TCFL5: variants seen among roughly 807,000 people sequenced by gnomAD.
TCFL5 encodes the protein transcription factor like 5, also known as transcription factor-like 5 protein.
Under a neutral mutation model 44.3 loss-of-function variants are expected in TCFL5, and 9 were observed. That is an observed-to-expected ratio of 0.20 (90% CI 0.12 to 0.35). The LOEUF is 0.35. Among genes scored for constraint, TCFL5 ranks in the 10% least tolerant of loss-of-function variants. TCFL5 has a pLI of 1.00. For synonymous variants in TCFL5, 319 were observed against 271.6 expected (o/e 1.17, Z -1.72); for missense variants, 603 against 613.4 (o/e 0.98, Z 0.18).
chr20:62,850,608 C>T lies in TCFL5; in HGVS notation c.1380+3408G>A, dbSNP rs1024816647. On this transcript the variant is annotated intron_variant, in intron 5 of 5. Transcript: ENST00000335351. ...TGCAGACTCCTGGTTTCCACTCTCACCCCAGCCCAGCTCCTACTCCCTAGC... is the reference window on the plus strand; with the variant it reads ...TGCAGACTCCTGGTTTCCACTCTCATCCCAGCCCAGCTCCTACTCCCTAGC... Among the ~76,000 whole-genome samples, 16 of 152,312 alleles carry T rather than the reference C, an allele frequency of 1.1e-4. No individual in the cohort carries two copies. The East Asian group carries it at 2.9e-3, about 28-fold the overall frequency.
At position 62,843,067 on chromosome 20, in the gene TCFL5, G is replaced by C. The variant is rs144132325; in HGVS notation, c.1381-970C>G. Among the ~76,000 whole-genome samples, 36 of 152,356 alleles carry C rather than the reference G, an allele frequency of 2.4e-4. 1 individual carries two copies. In the East Asian group the frequency reaches 6.7e-3, roughly 29 times the overall value. ...AAGAGAGGGGCACAGGCGACGGCCC[G>C]ATGACAGGCGCCAACCACCACGGGC... On this transcript the variant is annotated intron_variant, in intron 5 of 5. Coordinates refer to ENST00000335351, the MANE Select transcript of TCFL5 (RefSeq NM_006602.4).
chr20:62,857,686 CAATT>C (rs760814814), intron 3 of TCFL5, 48 bp from the exon 4 acceptor site: 7 of 1,590,896 alleles, frequency 4.4e-6, no homozygotes, highest in Non-Finnish European at 5.1e-6. Flanking sequence ...ATTCTTATCT[CAATT>C]AATGCTGAAT....
At position 62,854,245 on chromosome 20, in the gene TCFL5, ACCAGAG is replaced by A. The variant is rs2063854695; in HGVS notation, c.1239-94_1239-89del. 18 of 1,517,802 alleles carry A rather than the reference ACCAGAG, an allele frequency of 1.2e-5. No individual in the cohort carries two copies. The South Asian group carries it at 2.1e-4, about 18-fold the overall frequency. The allele number at this position is 1,517,802 out of a possible 1,614,324, so 94.0% of individuals were successfully genotyped here. On this transcript the variant is annotated intron_variant, in intron 4 of 5. Transcript: ENST00000335351. Reference sequence around the variant, plus strand: ...AGCGTCTCCTGTAGTACTTGAGGGAACCAGAGCTCGTGCATCCTGGCCACTGAGTGC... The same window carrying A: ...AGCGTCTCCTGTAGTACTTGAGGGAACTCGTGCATCCTGGCCACTGAGTGC...
intron 5 of TCFL5, among the ~76,000 whole-genome samples, chr20:62,844,504 G>A (rs960259155): frequency 2.6e-5 from 4 of 151,952 alleles, no homozygotes; most frequent in South Asian, 2.1e-4. Flanking sequence ...TCAGCCTCCC[G>A]AGTAGCTGGG....
At position 62,844,883 on chromosome 20, in the gene TCFL5, A is replaced by C. The variant is rs190157081; in HGVS notation, c.1381-2786T>G. Reference sequence around the variant, plus strand: ...AGTGCTGGGATTACAGGCGGGAGCCACGGTTCCCAGTCTGTGTAGTCTTTT... The same window carrying C: ...AGTGCTGGGATTACAGGCGGGAGCCCCGGTTCCCAGTCTGTGTAGTCTTTT... On this transcript the variant is annotated intron_variant, in intron 5 of 5. Coordinates refer to ENST00000335351, the MANE Select transcript of TCFL5 (RefSeq NM_006602.4). 3 of 985,254 alleles carry C rather than the reference A, an allele frequency of 3.0e-6. No individual in the cohort carries two copies. The African/African-American group carries it at 5.2e-5, about 17-fold the overall frequency. 61.0% of individuals were successfully genotyped at this position (985,254 alleles called of 1,614,324 possible).
In TCFL5 at chr20:62,853,971, G is replaced by C. The variant is rs547613701; in HGVS notation, c.1380+45C>G. The C allele has an allele frequency of 7.2e-5, 115 of 1,602,226 alleles. 1 individual carries two copies. The South Asian group carries it at 1.2e-3, about 17-fold the overall frequency. ...TAGGAAAAAGGAGGGACATTGTTAA[G>C]TAAAATTTGTAAAATTCTGAAAATC... On this transcript the variant is annotated intron_variant, in intron 5 of 5. Coordinates refer to ENST00000335351, the MANE Select transcript of TCFL5 (RefSeq NM_006602.4).
rs986721557 is a variant in TCFL5 at position 62,858,487 on chromosome 20, T to C, written c.995-849A>G. ...ACATATACTTTGGCATAAAATTTTA[T>C]AGGGAGGAAAAGGAAGGACTGACAT... On this transcript the variant is annotated intron_variant, in intron 3 of 5. Coordinates refer to ENST00000335351, the MANE Select transcript of TCFL5 (RefSeq NM_006602.4). Among the ~76,000 whole-genome samples, 7 of 152,334 alleles carry C rather than the reference T, an allele frequency of 4.6e-5. 2 individuals carry two copies. The highest frequency in any genetic ancestry group is 2.1e-4 in the South Asian group (1 of 4,830).
chr20:62,857,836 C>G (rs1005707796), intron 3 of TCFL5, among the ~76,000 whole-genome samples, 198 bp from the exon 4 acceptor site: 1 of 152,106 alleles, frequency 6.6e-6, no homozygotes, highest in Non-Finnish European at 1.5e-5. Context: ...TTTTATACAA[C>G]GAAACTGAAC....
At chr20:62,857,002 T>G (rs2063903076) in intron 4 of TCFL5, among the ~76,000 whole-genome samples, 1 of 152,214 alleles carries the variant, frequency 6.6e-6, no homozygotes, top group African/African-American at 2.4e-5. Flanking sequence ...CGAGCTTTCC[T>G]GGTTGGCAAC....
chr20:62,851,612 T>TA (rs1393850558), intron 5 of TCFL5: 2 of 985,032 alleles, frequency 2.0e-6, no homozygotes, highest in Non-Finnish European at 2.4e-6. Context: ...ACATTCAACA[T>TA]AGCATCGCTA....
chr20:62,846,106 T>C (rs1475631161), intron 5 of TCFL5: 1 of 1,311,276 alleles, frequency 7.6e-7, no homozygotes, highest in Non-Finnish European at 1.0e-6. Context: ...ATCTGGAGTT[T>C]GTGCTTAGAA....
intron 5 of TCFL5, among the ~76,000 whole-genome samples, chr20:62,846,449 C>T (rs1298635291): frequency 6.6e-6 from 1 of 152,184 alleles, no homozygotes; most frequent in Admixed American, 6.5e-5. Flanking sequence ...GTACTGATGT[C>T]ATCGCACTCT....
At chr20:62,852,173 T>C in intron 5 of TCFL5, 1 of 985,478 alleles carries the variant, frequency 1.0e-6, no homozygotes, top group Non-Finnish European at 1.2e-6. Flanking sequence ...GTCAGACTCC[T>C]GCCTGGGTCA....
In TCFL5 at chr20:62,860,119, C is replaced by T. The variant is rs1313529202; in HGVS notation, c.831+6G>A. ...AGAGCAAAGCTTCACAAATCATGTT[C>T]CCTACCTGTGTCTGTGAAAGATTAG... On this transcript the variant is annotated splice_donor_region_variant and intron_variant, in intron 2 of 5. Transcript: ENST00000335351. 1.9e-6 allele frequency: 3 copies of T among 1,600,606 alleles called. No homozygotes were observed. The African/African-American group carries it at 4.0e-5, about 21-fold the overall frequency.
At chr20:62,848,559 G>A (rs1002121051) in intron 5 of TCFL5, among the ~76,000 whole-genome samples, 11 of 152,092 alleles carry the variant, frequency 7.2e-5, no homozygotes, top group African/African-American at 2.2e-4. Context: ...CCAACATGGC[G>A]AAACACTGTC....
At chr20:62,851,650 A>T (rs978048566) in intron 5 of TCFL5, 1 of 985,330 alleles carries the variant, frequency 1.0e-6, no homozygotes, top group Non-Finnish European at 1.2e-6. Context: ...TATAATGTAA[A>T]TAAACAACTT....
At chr20:62,860,484 G>C (rs994780609) in intron 1 of TCFL5, among the ~76,000 whole-genome samples, 176 bp from the exon 2 acceptor site, 1 of 152,180 alleles carries the variant, frequency 6.6e-6, no homozygotes, top group Non-Finnish European at 1.5e-5. Context: ...TCTTCCTATG[G>C]AGGAAAAGCA....
chr20:62,857,522 C>T lies in TCFL5; in HGVS notation c.1111G>A (p.Ala371Thr), dbSNP rs375740957. 26 of 1,614,236 alleles carry T rather than the reference C, an allele frequency of 1.6e-5. No individual in the cohort carries two copies. The highest frequency in any genetic ancestry group is 3.3e-5 in the Admixed American group (2 of 60,030). Reference protein sequence around the residue: ...EIQNVGEGATATQGAWQSSES... With the variant: ...EIQNVGEGATTTQGAWQSSES... ...GAGGACTGCCAAGCGCCTTGTGTGGCGGTGGCACCTTCGCCCACATTCTGA... is the reference window on the plus strand; with the variant it reads ...GAGGACTGCCAAGCGCCTTGTGTGGTGGTGGCACCTTCGCCCACATTCTGA... The change falls in exon 4 of 6, where the codon GCC (alanine) becomes ACC (threonine). Residue 371 changes from alanine to threonine, a missense_variant. Transcript: ENST00000335351.
chr20:62,853,013 T>C (rs2063833626), intron 5 of TCFL5: 2 of 1,269,062 alleles, frequency 1.6e-6, no homozygotes, highest in Non-Finnish European at 2.1e-6. Context: ...TCCGCAGAAG[T>C]ATAGTCACCC....
Sources: gnomAD v4.1 joint callset for allele counts (sites outside exome capture counted in the v4.1 genomes callset) on GRCh38, gnomAD v4.1.1 for gene constraint, MANE v1.5 for transcripts, NCBI Gene and HGNC (gene_info 2026-07-23, HGNC 2026-07-21) for gene names.